Variants in FHIT observed in about 807,000 individuals in gnomAD.
FHIT encodes the protein fragile histidine triad diadenosine triphosphatase.
Under a neutral mutation model 17.9 loss-of-function variants are expected in FHIT, and 19 were observed. The ratio of observed to expected loss-of-function variants is 1.06; its 90% CI spans 0.74 to 1.56. The LOEUF (loss-of-function observed/expected upper bound fraction) is 1.56. Among genes scored for constraint, FHIT ranks in the 40% most tolerant of loss-of-function variants. FHIT has a pLI of 0.00. For missense variants in FHIT, 248 were observed against 189.2 expected, an observed-to-expected ratio of 1.31 and a Z score of -1.82; for synonymous variants, 81 against 69.7, an observed-to-expected ratio of 1.16 and a Z score of -0.81.
chr3:60,574,930 T>C (rs2037515050), intron 4 of FHIT, among the ~76,000 whole-genome samples: 1 of 151,892 alleles, frequency 6.6e-6, no homozygotes, highest in South Asian at 2.1e-4. Context: ...CTTATTTATA[T>C]GCTTGTCTCT....
At chr3:59,800,946 A>G (rs892321664) in intron 8 of FHIT, among the ~76,000 whole-genome samples, 3 of 152,204 alleles carry the variant, frequency 2.0e-5, no homozygotes, top group Non-Finnish European at 4.4e-5. Flanking sequence ...GAAATTCCCA[A>G]GGATCCTGAT....
chr3:59,942,234 T>C (rs1706557765), intron 7 of FHIT, among the ~76,000 whole-genome samples: 1 of 151,952 alleles, frequency 6.6e-6, no homozygotes, highest in African/African-American at 2.4e-5. Flanking sequence ...AATACATATT[T>C]AGTCTCTCAG....
At chr3:61,194,637 T>C (rs961998771) in intron 2 of FHIT, among the ~76,000 whole-genome samples, 3 of 152,216 alleles carry the variant, frequency 2.0e-5, no homozygotes, top group African/African-American at 7.2e-5. Flanking sequence ...CCCTCAATGT[T>C]CTGGGCATTA....
At chr3:60,731,063 G>T (rs1030527888) in intron 4 of FHIT, among the ~76,000 whole-genome samples, 2 of 152,070 alleles carry the variant, frequency 1.3e-5, no homozygotes, top group Admixed American at 6.6e-5. Flanking sequence ...CTTGGCAGGC[G>T]AAGGTTGCAG....
intron 7 of FHIT, among the ~76,000 whole-genome samples, chr3:59,999,449 T>C (rs913676304): frequency 2.0e-5 from 3 of 152,146 alleles, no homozygotes; most frequent in Non-Finnish European, 4.4e-5. Context: ...CACTAGCATG[T>C]GATGAGTATT....
At chr3:60,940,957 T>A (rs1553774379) in intron 3 of FHIT, among the ~76,000 whole-genome samples, 1 of 152,206 alleles carries the variant, frequency 6.6e-6, no homozygotes, top group Admixed American at 6.5e-5. Context: ...AGGAGCCACA[T>A]GTCTGATTTT....
chr3:60,307,368 A>G (rs1351235457), intron 5 of FHIT, among the ~76,000 whole-genome samples: 3 of 152,170 alleles, frequency 2.0e-5, no homozygotes, highest in African/African-American at 7.2e-5. Context: ...TGTCTGTAAT[A>G]CTTCATCTGC....
intron 8 of FHIT, among the ~76,000 whole-genome samples, chr3:59,858,555 T>G (rs1238813016): frequency 2.0e-5 from 3 of 151,940 alleles, no homozygotes; most frequent in Non-Finnish European, 2.9e-5. Flanking sequence ...AGAGAAATGA[T>G]AGCATCTGAG....
intron 3 of FHIT, among the ~76,000 whole-genome samples, chr3:60,995,190 A>G (rs1056618915): frequency 1.3e-5 from 2 of 152,020 alleles, no homozygotes; most frequent in Non-Finnish European, 2.9e-5. Context: ...GCGTGGTGGC[A>G]GGCGCCTGAG....
intron 4 of FHIT, among the ~76,000 whole-genome samples, chr3:60,576,875 G>C (rs2037583957): frequency 6.6e-6 from 1 of 151,348 alleles, no homozygotes; most frequent in South Asian, 2.1e-4. Flanking sequence ...AGGCACTTTG[G>C]AAAGTTTGAA....
At chr3:60,690,940 A>G (rs1441440874) in intron 4 of FHIT, among the ~76,000 whole-genome samples, 4 of 151,224 alleles carry the variant, frequency 2.6e-5, no homozygotes, top group Admixed American at 2.6e-4. Flanking sequence ...TGTACCATAT[A>G]GTGTGGCCAA....
chr3:60,090,964 C>T (rs1313715113), intron 5 of FHIT, among the ~76,000 whole-genome samples: 1 of 152,172 alleles, frequency 6.6e-6, no homozygotes, highest in African/African-American at 2.4e-5. Flanking sequence ...AACAGTTTCT[C>T]ATCATACTCA....
At chr3:60,616,574 A>C (rs2038957646) in intron 4 of FHIT, among the ~76,000 whole-genome samples, 1 of 152,192 alleles carries the variant, frequency 6.6e-6, no homozygotes, top group Admixed American at 6.5e-5. Context: ...TAAAAACACA[A>C]TACCATTTAC....
chr3:59,751,989 G>T, intron 9 of FHIT: 1 of 432,052 alleles, frequency 2.3e-6, no homozygotes, highest in Non-Finnish European at 4.1e-6. Flanking sequence ...TGGTGGGCTG[G>T]GGGCACTGGC....
At chr3:59,907,418 C>A (rs1412713372) in intron 8 of FHIT, among the ~76,000 whole-genome samples, 6 of 152,204 alleles carry the variant, frequency 3.9e-5, no homozygotes, top group African/African-American at 7.2e-5. Flanking sequence ...ACCAGCTTAG[C>A]CTTTAATTCA....
chr3:61,041,766 T>C (rs1433459269), intron 3 of FHIT, among the ~76,000 whole-genome samples: 1 of 152,058 alleles, frequency 6.6e-6, no homozygotes, highest in African/African-American at 2.4e-5. Context: ...AGTAATTCTT[T>C]TGAGCTAATA....
At chr3:60,021,884 T>G (rs1057495659) in intron 5 of FHIT, among the ~76,000 whole-genome samples, 1 of 152,160 alleles carries the variant, frequency 6.6e-6, no homozygotes, top group Admixed American at 6.5e-5. Context: ...CTGTTATACA[T>G]TATACAGAAA....
At chr3:60,182,922 A>G (rs1262097797) in intron 5 of FHIT, among the ~76,000 whole-genome samples, 1 of 151,982 alleles carries the variant, frequency 6.6e-6, no homozygotes, top group South Asian at 2.1e-4. Flanking sequence ...TTAAAAAAAA[A>G]AAAAGAAAAA....
Position 61,237,638 on chromosome 3 carries a change from A to G in FHIT, c.-213+13663T>C, listed in dbSNP as rs2040265054. ...GGAATAGAGTAACATTCCAGGTTTA[A>G]TGACACTGATCTCAGGTCATACGTA... On this transcript the variant is annotated intron_variant, in intron 1 of 9. Transcript: ENST00000492590. Among the ~76,000 whole-genome samples, 3 of 152,260 alleles carry G rather than the reference A, an allele frequency of 2.0e-5. No homozygotes were observed. In the South Asian group the frequency reaches 6.2e-4, roughly 32 times the overall value.
Sources: gnomAD v4.1 joint callset for allele counts (sites outside exome capture counted in the v4.1 genomes callset) on GRCh38, gnomAD v4.1.1 for gene constraint, MANE v1.5 for transcripts, NCBI Gene and HGNC (gene_info 2026-07-23, HGNC 2026-07-21) for gene names.